PCDH11X: variants seen among roughly 807,000 people sequenced by gnomAD.
PCDH11X encodes the protein protocadherin-11 X-linked.
Under a neutral mutation model 53.3 loss-of-function variants are expected in PCDH11X, and 18 were observed. The ratio of observed to expected loss-of-function variants is 0.34; its 90% CI spans 0.23 to 0.50. PCDH11X has a LOEUF of 0.50. PCDH11X is among the 20% of genes least tolerant of loss of function. The pLI, the probability that PCDH11X is intolerant of heterozygous loss-of-function variation, is 0.98. For missense variants in PCDH11X, 570 were observed against 1,032.4 expected, an observed-to-expected ratio of 0.55 and a Z score of 6.14; for synonymous variants, 279 against 393.3, an observed-to-expected ratio of 0.71 and a Z score of 3.44.
intron 7 of PCDH11X, among the ~76,000 whole-genome samples, chrX:92,203,936 A>G (rs2066433640): frequency 8.9e-6 from 1 of 112,410 alleles, no homozygotes. Flanking sequence ...TATCACCTGC[A>G]GCCCCAACAC....
chrX:92,373,444 C>T (rs761290848), intron 8 of PCDH11X, among the ~76,000 whole-genome samples: 2 of 111,474 alleles, frequency 1.8e-5, no homozygotes, highest in South Asian at 3.7e-4. Context: ...ATGGGAATTT[C>T]GTCTCCTGCT....
At chrX:92,134,427 A>C (rs1340661194) in intron 6 of PCDH11X, among the ~76,000 whole-genome samples, 3 of 111,107 alleles carry the variant, frequency 2.7e-5, no homozygotes, top group African/African-American at 6.6e-5. Context: ...TCACAGAATG[A>C]TGTTTTCTTC....
At chrX:92,607,641 G>T (rs1443396538) in intron 10 of PCDH11X, among the ~76,000 whole-genome samples, 1 of 111,547 alleles carries the variant, frequency 9.0e-6, no homozygotes, top group Non-Finnish European at 1.9e-5. Flanking sequence ...TTGTTAAAAA[G>T]GACTAATTAT....
rs190374109 is a variant in PCDH11X at position 91,923,855 on chromosome X, C to T, written c.3033+44582C>T. On this transcript the variant is annotated intron_variant, in intron 6 of 10. Coordinates refer to ENST00000682573, the MANE Select transcript of PCDH11X (RefSeq NM_032968.5). ...GAGCTAAACATTAAGTACACATAGA[C>T]ATAAAGATGGGAACAGTAGACACTG... 6.6e-3 allele frequency among the ~76,000 whole-genome samples: 729 copies of T among 110,683 alleles called. 4 individuals carry two copies. Among genetic ancestry groups the T allele is most frequent in the African/African-American group, 0.022 (672 of 30,432 alleles).
At chrX:92,375,637 G>A (rs1269949997) in intron 8 of PCDH11X, among the ~76,000 whole-genome samples, 2 of 109,278 alleles carry the variant, frequency 1.8e-5, no homozygotes, top group African/African-American at 3.3e-5. Context: ...TTCTTTGTTT[G>A]TTTTTGAGAT....
At chrX:91,839,731 GATTA>G (rs1396825372) in intron 5 of PCDH11X, among the ~76,000 whole-genome samples, 7 of 110,954 alleles carry the variant, frequency 6.3e-5, no homozygotes, top group Non-Finnish European at 1.3e-4. Context: ...ACTTTGATGC[GATTA>G]ATTTTCAACT....
At position 92,076,807 on chromosome X, in the gene PCDH11X, T is replaced by A. The variant is rs1280156675; in HGVS notation, c.3034-124568T>A. Among the ~76,000 whole-genome samples the A allele has an allele frequency of 6.2e-5, 7 of 112,252 alleles. No homozygotes were observed. In the Admixed American group the frequency reaches 6.6e-4, roughly 11 times the overall value. Reference sequence around the variant, plus strand: ...GCTGGGCTTATTCAAAATTTCTAGATTCTCAGTTTTTATTTTCTGGCACCA... The same window carrying A: ...GCTGGGCTTATTCAAAATTTCTAGAATCTCAGTTTTTATTTTCTGGCACCA... On this transcript the variant is annotated intron_variant, in intron 6 of 10. Transcript: ENST00000682573.
intron 6 of PCDH11X, among the ~76,000 whole-genome samples, chrX:92,128,844 G>A (rs1341125896): frequency 9.1e-6 from 1 of 110,424 alleles, no homozygotes; most frequent in Non-Finnish European, 1.9e-5. Context: ...ATTAATAGAA[G>A]AGGTTTTCTC....
intron 8 of PCDH11X, among the ~76,000 whole-genome samples, chrX:92,309,276 G>A (rs1214188805): frequency 8.9e-6 from 1 of 112,122 alleles, no homozygotes; most frequent in Non-Finnish European, 1.9e-5. Context: ...GCAAAGTGTG[G>A]TATATACATA....
rs753495243 is a variant in PCDH11X, at chrX:91,960,692, G to C, written c.3033+81419G>C. Among the ~76,000 whole-genome samples the C allele has an allele frequency of 4.5e-5, 5 of 111,538 alleles. No individual in the cohort carries two copies. In the South Asian group the frequency reaches 1.1e-3, roughly 25 times the overall value. ...ACCTGCCTCGGCCTCCCAAAGTGCT[G>C]AGATTACAGGCATGAGCCACCACAC... is the stretch of plus-strand genomic sequence containing the variant. On this transcript the variant is annotated intron_variant, in intron 6 of 10. Coordinates refer to ENST00000682573, the MANE Select transcript of PCDH11X (RefSeq NM_032968.5).
chrX:92,208,536 T>TATATATATATAC (rs1408059749), intron 7 of PCDH11X, among the ~76,000 whole-genome samples: 5 of 80,071 alleles, frequency 6.2e-5, no homozygotes, highest in African/African-American at 2.5e-4. Flanking sequence ...TATATATATA[T>TATATATATATAC]ACAATTTTTT....
chrX:92,226,799 G>A (rs185294267), intron 7 of PCDH11X, among the ~76,000 whole-genome samples: 3 of 110,567 alleles, frequency 2.7e-5, no homozygotes, highest in Admixed American at 9.8e-5. Flanking sequence ...GAGGCTTTCC[G>A]TGTATGCTAT....
chrX:92,592,515 A>T (rs1392347479), intron 10 of PCDH11X, among the ~76,000 whole-genome samples: 1 of 109,195 alleles, frequency 9.2e-6, no homozygotes, highest in African/African-American at 3.3e-5. Flanking sequence ...TCAGATCACC[A>T]GGTCAGGAGA....
intron 6 of PCDH11X, among the ~76,000 whole-genome samples, chrX:92,166,790 C>T (rs970689606): frequency 1.2e-4 from 13 of 110,909 alleles, no homozygotes; most frequent in Non-Finnish European, 2.3e-4. Flanking sequence ...CCTGGCTACC[C>T]AGGAGGCTGA....
chrX:92,125,423 CTGGTTTTGATGACT>C (rs2064843302), intron 6 of PCDH11X, among the ~76,000 whole-genome samples: 1 of 111,544 alleles, frequency 9.0e-6, no homozygotes, highest in Non-Finnish European at 1.9e-5. Context: ...AGTAATAAGA[CTGGTTTTGATGACT>C]TAGTTTTGAT....
At chrX:92,591,789 C>T (rs948445317) in intron 10 of PCDH11X, among the ~76,000 whole-genome samples, 28 of 111,107 alleles carry the variant, frequency 2.5e-4, no homozygotes, top group Non-Finnish European at 4.3e-4. Context: ...TGAGCTTTGT[C>T]TTAAAAGGCC....
chrX:92,146,262 C>T (rs1205842213), intron 6 of PCDH11X, among the ~76,000 whole-genome samples: 3 of 110,264 alleles, frequency 2.7e-5, no homozygotes, highest in Admixed American at 9.8e-5. Context: ...CAGTCAGGTA[C>T]AACAATCTTT....
chrX:91,830,560 A>G (rs879126656), intron 4 of PCDH11X, among the ~76,000 whole-genome samples: 1 of 110,476 alleles, frequency 9.1e-6, no homozygotes, highest in African/African-American at 3.3e-5. Flanking sequence ...CTTTCTCCCA[A>G]TGTGGTTACT....
chrX:91,931,242 T>G (rs2061381189), intron 6 of PCDH11X, among the ~76,000 whole-genome samples: 1 of 110,328 alleles, frequency 9.1e-6, no homozygotes, highest in Non-Finnish European at 1.9e-5. Context: ...TTTTTGAAAG[T>G]TTTTAGCTTG....
Sources: gnomAD v4.1 joint callset for allele counts (sites outside exome capture counted in the v4.1 genomes callset) on GRCh38, gnomAD v4.1.1 for gene constraint, MANE v1.5 for transcripts, NCBI Gene and HGNC (gene_info 2026-07-23, HGNC 2026-07-21) for gene names.